ARHGAP22: variants seen among roughly 807,000 people sequenced by gnomAD.
The protein encoded by ARHGAP22 is Rho GTPase activating protein 22, also known as rho GTPase-activating protein 22.
A neutral mutation model predicts 59.1 loss-of-function variants in ARHGAP22; 48 were observed. That is an observed-to-expected ratio of 0.81 (90% confidence interval 0.64 to 1.03). The LOEUF (loss-of-function observed/expected upper bound fraction) is 1.03, where lower values mean the gene tolerates loss of function less well. Among genes scored for constraint, ARHGAP22 ranks in the 50% least tolerant of loss-of-function variants. The pLI is 0.00. For missense variants in ARHGAP22, 1,015 were observed against 958.7 expected, an observed-to-expected ratio of 1.06 and a Z score of -0.78; for synonymous variants, 445 against 416.4, an observed-to-expected ratio of 1.07 and a Z score of -0.84.
At chr10:48,585,276 C>T (rs1389865902) in intron 1 of ARHGAP22, among the ~76,000 whole-genome samples, 1 of 151,886 alleles carries the variant, frequency 6.6e-6, no homozygotes, top group Non-Finnish European at 1.5e-5. Context: ...TTCCTTTCAA[C>T]CTCCACATCC....
intron 1 of ARHGAP22, among the ~76,000 whole-genome samples, chr10:48,616,852 GA>G (rs2061099973): frequency 6.6e-6 from 1 of 152,062 alleles, no homozygotes; most frequent in African/African-American, 2.4e-5. Flanking sequence ...CAGGCTAAAT[GA>G]AAAGACACTA....
At chr10:48,610,005 G>A (rs1157530126), upstream of ARHGAP22, among the ~76,000 whole-genome samples, 1 of 152,192 alleles carries the variant, frequency 6.6e-6, no homozygotes, top group African/African-American at 2.4e-5. Context: ...TCCTGCCATT[G>A]GGCACTTGGG....
intron 1 of ARHGAP22, among the ~76,000 whole-genome samples, chr10:48,626,064 C>T (rs2061438427): frequency 1.3e-5 from 2 of 152,140 alleles, no homozygotes; most frequent in South Asian, 4.1e-4. Context: ...TAAAAGTCTC[C>T]ATGAGAGACA....
chr10:48,481,912 G>A (rs1447109718), intron 3 of ARHGAP22, among the ~76,000 whole-genome samples: 1 of 152,150 alleles, frequency 6.6e-6, no homozygotes, highest in Non-Finnish European at 1.5e-5. Flanking sequence ...GTCGTTTTTG[G>A]TGAAATATCT....
intron 3 of ARHGAP22, among the ~76,000 whole-genome samples, chr10:48,500,381 G>A (rs1001891382): frequency 1.3e-5 from 2 of 151,690 alleles, no homozygotes; most frequent in African/African-American, 4.9e-5. Flanking sequence ...CCTGAGTAGA[G>A]CTACTCAGTA....
chr10:48,511,116 C>T (rs1025755472), intron 3 of ARHGAP22, among the ~76,000 whole-genome samples: 4 of 152,182 alleles, frequency 2.6e-5, no homozygotes, highest in East Asian at 1.9e-4. Flanking sequence ...ATGCACGGCA[C>T]GGCAGCCAGG....
chr10:48,546,184 C>T (rs1224210953), intron 3 of ARHGAP22, among the ~76,000 whole-genome samples: 1 of 152,190 alleles, frequency 6.6e-6, no homozygotes, highest in African/African-American at 2.4e-5. Flanking sequence ...GGGGTCCCCG[C>T]TACTCCTGTG....
the ARHGAP22 span, chr10:48,437,309 T>A: frequency 6.6e-6 from 1 of 152,230 alleles, no homozygotes; most frequent in African/African-American, 2.4e-5. Flanking sequence ...AAGCTAAATA[T>A]ATGTTGGTTC....
At chr10:48,518,064 A>T (rs1231028195) in intron 3 of ARHGAP22, among the ~76,000 whole-genome samples, 1 of 150,160 alleles carries the variant, frequency 6.7e-6, no homozygotes, top group Non-Finnish European at 1.5e-5. Context: ...TTTTTGAAAA[A>T]CCCCCAGGGC....
intron 4 of ARHGAP22, among the ~76,000 whole-genome samples, chr10:48,471,777 C>A (rs2048252024): frequency 1.3e-5 from 2 of 152,208 alleles, no homozygotes; most frequent in South Asian, 4.1e-4. Context: ...CCTTCTCTTG[C>A]CTGGATTATT....
intron 3 of ARHGAP22, among the ~76,000 whole-genome samples, chr10:48,500,847 C>T (rs956717565): frequency 4.0e-5 from 6 of 149,586 alleles, no homozygotes; most frequent in South Asian, 2.1e-4. Context: ...GCCAAGACGA[C>T]GCCACTGCAC....
At chr10:48,598,853 T>A (rs2060222621) in intron 1 of ARHGAP22, among the ~76,000 whole-genome samples, 1 of 152,188 alleles carries the variant, frequency 6.6e-6, no homozygotes, top group Admixed American at 6.5e-5. Context: ...CTGGGGCAGC[T>A]TTCCTCTCTT....
At chr10:48,498,738 A>G (rs7917721) in intron 3 of ARHGAP22, among the ~76,000 whole-genome samples, 5,596 of 152,298 alleles carry the variant, frequency 0.037, 363 homozygotes, top group African/African-American at 0.13. Context: ...ACAAAAGCCA[A>G]TCCAATACCA....
At chr10:48,568,803 C>T (rs566728725) in intron 2 of ARHGAP22, among the ~76,000 whole-genome samples, 1 of 152,344 alleles carries the variant, frequency 6.6e-6, no homozygotes, top group East Asian at 1.9e-4. Context: ...GACACAGGGC[C>T]TCTCCACTGC....
chr10:48,441,915 C>A (rs548394265), downstream of ARHGAP22, among the ~76,000 whole-genome samples: 231 of 152,316 alleles, frequency 1.5e-3, 1 homozygote, highest in African/African-American at 5.3e-3. Context: ...ATCCTGTGTT[C>A]TCATCTTCTC....
chr10:48,624,629 T>C (rs1346871476), intron 1 of ARHGAP22, among the ~76,000 whole-genome samples: 2 of 152,322 alleles, frequency 1.3e-5, no homozygotes, highest in South Asian at 2.1e-4. Context: ...TTTTGGAAAT[T>C]GCAGGCATTG....
At position 48,555,545 on chromosome 10, in the gene ARHGAP22, A is replaced by C; in HGVS notation, c.240T>G (p.Phe80Leu). Residue 80 changes from phenylalanine (F) to leucine (L), a missense_variant, in exon 3 of 10, where the codon TTT becomes TTG. By Grantham distance (22) the Phe-to-Leu change is conservative. Coordinates refer to ENST00000249601, the MANE Select transcript of ARHGAP22 (RefSeq NM_021226.4). ...KDKDEIKPQG[F>L]ISLQGTQVTE... ...TCACCTGTGTCCCTTGTAGAGAAAT[A>C]AATCCCTAAAAAGGAGGCAAACACA... 1 of 1,614,110 alleles carries C rather than the reference A, an allele frequency of 6.2e-7. No homozygotes were observed.
At chr10:48,643,960 C>T (rs945634608) in intron 1 of ARHGAP22, among the ~76,000 whole-genome samples, 2 of 152,100 alleles carry the variant, frequency 1.3e-5, no homozygotes, top group Admixed American at 6.5e-5. Flanking sequence ...CCAGCCTAAA[C>T]GACATGGAGA....
At chr10:48,551,823 A>T (rs1279141029) in intron 3 of ARHGAP22, among the ~76,000 whole-genome samples, 1 of 151,882 alleles carries the variant, frequency 6.6e-6, no homozygotes, top group African/African-American at 2.4e-5. Context: ...AAGTTCCAAG[A>T]CCTCCCAGCC....
Sources: allele counts gnomAD v4.1 joint callset (sites outside exome capture counted in the v4.1 genomes callset), GRCh38; gene constraint gnomAD v4.1.1; transcripts MANE v1.5; gene names NCBI Gene and HGNC (gene_info 2026-07-23, HGNC 2026-07-21).